SYN2: variants seen among roughly 807,000 people sequenced by gnomAD.
SYN2 encodes synapsin II.
A neutral mutation model predicts 50.9 loss-of-function variants in SYN2; 19 were observed. That is an observed-to-expected ratio of 0.37 (90% CI 0.26 to 0.55). SYN2 has a LOEUF of 0.55. Among genes scored for constraint, SYN2 ranks in the 20% least tolerant of loss-of-function variants. The pLI, the probability that SYN2 is intolerant of heterozygous loss-of-function variation, is 0.81. For synonymous variants in SYN2, 255 were observed against 224.9 expected (o/e 1.13, Z -1.20); for missense variants, 587 against 576.4 (o/e 1.02, Z -0.19).
At chr3:12,115,806 A>T (rs971780368) in intron 1 of SYN2, among the ~76,000 whole-genome samples, 3 of 152,192 alleles carry the variant, frequency 2.0e-5, no homozygotes, top group Non-Finnish European at 4.4e-5. Context: ...ACTATGTAGC[A>T]TATAGTAGGC....
intron 1 of SYN2, among the ~76,000 whole-genome samples, chr3:12,100,958 T>C (rs1010231800): frequency 1.3e-5 from 2 of 152,100 alleles, no homozygotes; most frequent in Non-Finnish European, 2.9e-5. Flanking sequence ...GTCATTGTTA[T>C]AATAAAAAAG....
chr3:12,161,629 G>C (rs768750846), intron 6 of SYN2, 21 bp downstream of exon 6: 1 of 1,613,878 alleles, frequency 6.2e-7, no homozygotes, highest in Admixed American at 1.7e-5. Context: ...GAGGCCTGCT[G>C]TGCTTCAGGG....
chr3:12,007,638 C>T (rs1390520971), intron 1 of SYN2, among the ~76,000 whole-genome samples: 1 of 151,974 alleles, frequency 6.6e-6, no homozygotes, highest in East Asian at 1.9e-4. Context: ...AGAGTGTAGA[C>T]TCATTAGAAC....
intron 11 of SYN2, chr3:12,184,635 T>C: frequency 1.0e-6 from 1 of 985,912 alleles, no homozygotes; most frequent in Non-Finnish European, 1.2e-6. Context: ...GGAGGAACTG[T>C]CTCAGATTTA....
chr3:12,012,611 G>A (rs1196157422), intron 1 of SYN2, among the ~76,000 whole-genome samples: 1 of 152,122 alleles, frequency 6.6e-6, no homozygotes, highest in East Asian at 1.9e-4. Context: ...ACACATGCTG[G>A]ACTTTTAAGA....
intron 1 of SYN2, among the ~76,000 whole-genome samples, chr3:12,023,215 C>CA: frequency 6.6e-6 from 1 of 151,856 alleles, no homozygotes; most frequent in East Asian, 1.9e-4. Context: ...AAAAAAAAAT[C>CA]ATTGTCATCA....
chr3:12,159,345 G>C (rs1012138742), intron 5 of SYN2: 2 of 155,524 alleles, frequency 1.3e-5, no homozygotes, highest in Non-Finnish European at 2.8e-5. Flanking sequence ...CGGACCCCTT[G>C]CTGAGCTGCA....
At chr3:12,024,576 A>G (rs1233729192) in intron 1 of SYN2, among the ~76,000 whole-genome samples, 1 of 152,220 alleles carries the variant, frequency 6.6e-6, no homozygotes, top group Admixed American at 6.5e-5. Flanking sequence ...TTTGTTTAAC[A>G]TAATATTCAT....
chr3:12,158,426 T>G (rs1469633566), intron 5 of SYN2, among the ~76,000 whole-genome samples: 2 of 152,134 alleles, frequency 1.3e-5, no homozygotes, highest in African/African-American at 2.4e-5. Flanking sequence ...GGTGACACCT[T>G]GTGTAATGAC....
At chr3:12,009,598 A>G (rs1396853550) in intron 1 of SYN2, among the ~76,000 whole-genome samples, 2 of 152,174 alleles carry the variant, frequency 1.3e-5, no homozygotes, top group African/African-American at 4.8e-5. Context: ...TTTTACTCTT[A>G]AGTCGCTCTT....
At chr3:12,076,952 G>A (rs1214795842) in intron 1 of SYN2, among the ~76,000 whole-genome samples, 1 of 152,128 alleles carries the variant, frequency 6.6e-6, no homozygotes, top group Non-Finnish European at 1.5e-5. Flanking sequence ...TTAGATGGAA[G>A]AAGAGGTGTT....
chr3:12,155,999 A>G (rs71304090), intron 5 of SYN2, among the ~76,000 whole-genome samples: 6,824 of 152,208 alleles, frequency 0.045, 199 homozygotes, highest in Non-Finnish European at 0.066. Context: ...TCCAGTGCCT[A>G]TGACTCATCA....
intron 1 of SYN2, among the ~76,000 whole-genome samples, chr3:12,055,050 C>T (rs921337516): frequency 6.6e-5 from 10 of 151,938 alleles, no homozygotes; most frequent in African/African-American, 2.4e-4. Context: ...TGATACTTGA[C>T]CTTTTGGACA....
chr3:12,162,921 T>C (rs1697688542), intron 7 of SYN2, among the ~76,000 whole-genome samples: 1 of 152,154 alleles, frequency 6.6e-6, no homozygotes, highest in Non-Finnish European at 1.5e-5. Context: ...ATAATTCCAA[T>C]TTTGGAAATA....
intron 1 of SYN2, among the ~76,000 whole-genome samples, chr3:12,084,565 A>T (rs1194380069): frequency 1.3e-5 from 2 of 152,224 alleles, no homozygotes; most frequent in African/African-American, 2.4e-5. Context: ...ACTAAGCAGT[A>T]ACACAAAAAC....
In SYN2 at chr3:12,187,486, C is replaced by G. The variant is rs768831881; in HGVS notation, c.1487C>G (p.Ser496Trp). The change falls in exon 12 of 13, where the codon TCG becomes TGG. Residue 496 changes from serine (S) to tryptophan (W), a missense_variant. Coordinates refer to ENST00000621198, the MANE Select transcript of SYN2 (RefSeq NM_133625.6). ...TCTTCCTCCTCTTCTTCCTCCTCCT[C>G]GGCTCCTCAGCGGCCGGGCGGCCCC... Reference protein sequence around the residue: ...SSSSSSSSSSSAPQRPGGPTT... With the variant: ...SSSSSSSSSSWAPQRPGGPTT... 6.4e-7 allele frequency: 1 copy of G among 1,554,484 alleles called. No individual in the cohort carries two copies. Among genetic ancestry groups the G allele is most frequent in the African/African-American group, 1.4e-5 (1 of 73,194 alleles).
intron 1 of SYN2, among the ~76,000 whole-genome samples, chr3:12,080,617 G>T (rs1285365086): frequency 6.6e-6 from 1 of 152,152 alleles, no homozygotes; most frequent in Non-Finnish European, 1.5e-5. Context: ...GTGGTTTTGA[G>T]TGAATTTCTT....
chr3:12,074,664 A>G (rs778941834), intron 1 of SYN2, among the ~76,000 whole-genome samples: 8 of 152,086 alleles, frequency 5.3e-5, no homozygotes, highest in Admixed American at 3.3e-4. Flanking sequence ...TTGGATTTAT[A>G]CAGGAGTCTT....
intron 1 of SYN2, among the ~76,000 whole-genome samples, chr3:12,079,834 A>T (rs1695549910): frequency 6.6e-6 from 1 of 152,162 alleles, no homozygotes; most frequent in South Asian, 2.1e-4. Context: ...GTTAAGGAAG[A>T]GTCCCTCCTT....
Sources: allele counts gnomAD v4.1 joint callset (sites outside exome capture counted in the v4.1 genomes callset), GRCh38; gene constraint gnomAD v4.1.1; transcripts MANE v1.5; gene names NCBI Gene and HGNC (gene_info 2026-07-23, HGNC 2026-07-21).